The following NAV2 variants were observed in gnomAD, a reference collection of about 807,000 sequenced individuals.
NAV2 encodes helicase, APC down-regulated 1.
NAV2 carries 54 observed loss-of-function variants against 223.2 expected under a neutral mutation model. The ratio of observed to expected loss-of-function variants is 0.24; its 90% CI spans 0.19 to 0.30. The LOEUF (loss-of-function observed/expected upper bound fraction) is 0.30, where lower values mean the gene tolerates loss of function less well. Among genes scored for constraint, NAV2 ranks in the 10% least tolerant of loss-of-function variants. The pLI, the probability that NAV2 is intolerant of heterozygous loss-of-function variation, is 1.00. For synonymous variants in NAV2, 1,279 were observed against 1,239.3 expected (o/e 1.03, Z -0.67); for missense variants, 2,806 against 3,147.5 (o/e 0.89, Z 2.60).
chr11:20,117,065 T>C (rs2063164753), intron 37 of NAV2, among the ~76,000 whole-genome samples: 2 of 152,198 alleles, frequency 1.3e-5, no homozygotes, highest in African/African-American at 4.8e-5. Context: ...CTGGGTAGAC[T>C]CTGCAAAGCA....
chr11:20,086,838 G>C (rs931532557), intron 26 of NAV2, among the ~76,000 whole-genome samples: 3 of 152,110 alleles, frequency 2.0e-5, no homozygotes, highest in Non-Finnish European at 4.4e-5. Context: ...GACACAGAGG[G>C]GGGCAGAGTG....
At chr11:20,114,040 G>A (rs901896356) in intron 36 of NAV2, among the ~76,000 whole-genome samples, 1 of 152,110 alleles carries the variant, frequency 6.6e-6, no homozygotes, top group Non-Finnish European at 1.5e-5. Context: ...TATTAAGCCA[G>A]GGCCATTGTG....
chr11:19,497,421 A>G (rs1335490094), intron 1 of NAV2, among the ~76,000 whole-genome samples: 1 of 152,226 alleles, frequency 6.6e-6, no homozygotes. Context: ...ATGCCAGAAC[A>G]TGATGGAAGA....
At chr11:20,017,256 G>C (rs373009657) in intron 11 of NAV2, among the ~76,000 whole-genome samples, 62 of 152,130 alleles carry the variant, frequency 4.1e-4, no homozygotes, top group African/African-American at 1.5e-3. Context: ...CCCCACACCC[G>C]CTTACTAAGC....
At chr11:19,578,347 G>T (rs964179706) in intron 1 of NAV2, among the ~76,000 whole-genome samples, 1 of 152,238 alleles carries the variant, frequency 6.6e-6, no homozygotes, top group African/African-American at 2.4e-5. Flanking sequence ...CTAGTAGAAG[G>T]CTCTTGGCCA....
intron 1 of NAV2, among the ~76,000 whole-genome samples, chr11:19,695,587 T>C (rs1025073637): frequency 6.6e-6 from 1 of 152,148 alleles, no homozygotes; most frequent in African/African-American, 2.4e-5. Context: ...TCCCTTCTGG[T>C]TTACCATTTG....
In NAV2 at chr11:20,048,728, A is replaced by T; in HGVS notation, c.3903A>T (p.Arg1301Ser). 1 of 1,613,124 alleles carries T rather than the reference A, an allele frequency of 6.2e-7. No homozygotes were observed. Among genetic ancestry groups the T allele is most frequent in the Middle Eastern group, 1.7e-4 (1 of 6,058 alleles). The stretch of plus-strand genomic sequence containing the variant: ...TACACAACCCTTTGTCTCTTCACAG[A>T]CTCTTTGGTGGGAAGCCTACCAAGC... ...YPDVASPTLR[R>S]LFGGKPTKQV... Residue 1301 changes from arginine to serine, a missense_variant and splice_region_variant, in exon 15 of 38, where the codon AGA (arginine) becomes AGT (serine). This residue lies in a region of NAV2 where 742 missense variants were observed against 777.9 expected (regional missense o/e 0.95). Transcript: ENST00000349880.
intron 8 of NAV2, among the ~76,000 whole-genome samples, chr11:19,944,983 C>T (rs923622673): frequency 1.4e-5 from 2 of 138,774 alleles, no homozygotes; most frequent in African/African-American, 5.2e-5. Context: ...TTTTCTTTCC[C>T]TTTCCCTTTC....
At chr11:20,005,258 T>A (rs199744547) in intron 11 of NAV2, among the ~76,000 whole-genome samples, 112,961 of 140,318 alleles carry the variant, frequency 0.81, 46,209 homozygotes, top group Middle Eastern at 0.92. Context: ...TATATATTTT[T>A]TTTTTTTTTT....
intron 1 of NAV2, among the ~76,000 whole-genome samples, chr11:19,666,020 G>A (rs998567391): frequency 3.3e-5 from 5 of 151,962 alleles, no homozygotes; most frequent in Non-Finnish European, 5.9e-5. Context: ...GACCTTTCAC[G>A]TTATTAGTCT....
chr11:19,939,499 A>G (rs541001004), intron 7 of NAV2, among the ~76,000 whole-genome samples, 162 bp from the exon 8 acceptor site: 4 of 152,220 alleles, frequency 2.6e-5, no homozygotes, highest in Admixed American at 6.5e-5. Flanking sequence ...ACATTGCTCC[A>G]CATACGGCTA....
chr11:19,961,230 G>T (rs950158683), intron 10 of NAV2, among the ~76,000 whole-genome samples: 6 of 152,108 alleles, frequency 3.9e-5, no homozygotes, highest in Non-Finnish European at 7.4e-5. Context: ...GATTATAGGT[G>T]TGAGTCACTG....
chr11:19,959,305 G>T (rs985161617), intron 10 of NAV2, among the ~76,000 whole-genome samples: 2 of 152,178 alleles, frequency 1.3e-5, no homozygotes, highest in Non-Finnish European at 2.9e-5. Flanking sequence ...GGAACTCAGG[G>T]CGCAGAGGGG....
chr11:19,755,123 C>G (rs1194533953), intron 1 of NAV2, among the ~76,000 whole-genome samples: 2 of 152,212 alleles, frequency 1.3e-5, no homozygotes, highest in African/African-American at 4.8e-5. Context: ...ACTTTCCAAA[C>G]AAATGCAATG....
At chr11:19,480,303 T>G (rs1346920360) in intron 1 of NAV2, among the ~76,000 whole-genome samples, 1 of 152,150 alleles carries the variant, frequency 6.6e-6, no homozygotes, top group Non-Finnish European at 1.5e-5. Context: ...TGAGGCAAGC[T>G]TTGGGGGACA....
chr11:19,699,085 G>A (rs1226498016), intron 1 of NAV2, among the ~76,000 whole-genome samples: 1 of 152,204 alleles, frequency 6.6e-6, no homozygotes, highest in Non-Finnish European at 1.5e-5. Context: ...GGCCCACAGT[G>A]AATCAGTAAC....
In NAV2 at chr11:20,045,447, G is replaced by A; in HGVS notation, c.3679G>A (p.Val1227Met). 6.2e-7 allele frequency: 1 copy of A among 1,614,202 alleles called. No individual in the cohort carries two copies. Among genetic ancestry groups the A allele is most frequent in the Non-Finnish European group, 8.5e-7 (1 of 1,180,028 alleles). Residue 1227 changes from valine (V) to methionine (M), a missense_variant, in exon 14 of 38, where the codon GTG becomes ATG. Physicochemically the swap from Val to Met is conservative, Grantham distance 21 (BLOSUM62 1). Coordinates refer to ENST00000349880, the MANE Select transcript of NAV2 (RefSeq NM_145117.5). Reference sequence around the variant, plus strand: ...TAGCAGCAAGTCCGCAGGCCTGCCAGTGCCCAAACTGAGGGAGCCTTCCAA... The same window carrying A: ...TAGCAGCAAGTCCGCAGGCCTGCCAATGCCCAAACTGAGGGAGCCTTCCAA... The part of the protein sequence containing the change: ...NISSKSAGLP[V>M]PKLREPSKTA...
intron 1 of NAV2, among the ~76,000 whole-genome samples, chr11:19,618,048 C>T (rs1416314800): frequency 6.6e-6 from 1 of 152,242 alleles, no homozygotes; most frequent in Non-Finnish European, 1.5e-5. Flanking sequence ...CATCTTCTCA[C>T]ATACTCCGTA....
At chr11:19,736,676 A>G (rs1446906899) in intron 1 of NAV2, among the ~76,000 whole-genome samples, 1 of 152,176 alleles carries the variant, frequency 6.6e-6, no homozygotes, top group Non-Finnish European at 1.5e-5. Context: ...CCACCTCATA[A>G]AAGGCAAACC....
Sources: allele counts gnomAD v4.1 joint callset (sites outside exome capture counted in the v4.1 genomes callset), GRCh38; gene constraint gnomAD v4.1.1; regional missense constraint gnomAD v4.1.1; transcripts MANE v1.5; gene names NCBI Gene and HGNC (gene_info 2026-07-23, HGNC 2026-07-21).